Variants in AFDN observed in about 807,000 individuals in gnomAD.
AFDN encodes the protein afadin, adherens junction formation factor, also known as afadin.
AFDN carries 68 observed loss-of-function variants against 216.6 expected under a neutral mutation model. The ratio of observed to expected loss-of-function variants is 0.31; its 90% confidence interval spans 0.26 to 0.38. The LOEUF (loss-of-function observed/expected upper bound fraction) is 0.38. AFDN is among the 10% of genes least tolerant of loss of function. The pLI, the probability that AFDN is intolerant of heterozygous loss-of-function variation, is 1.00. For missense variants in AFDN, 2,136 were observed against 2,342.0 expected (o/e 0.91, Z 1.82); for synonymous variants, 868 against 853.7 (o/e 1.02, Z -0.29).
At chr6:167,949,908 A>T (rs1795765369) in intron 29 of AFDN, among the ~76,000 whole-genome samples, 1 of 152,136 alleles carries the variant, frequency 6.6e-6, no homozygotes, top group South Asian at 2.1e-4. Flanking sequence ...GGCAGGCCAG[A>T]GTGTGGAATG....
At chr6:167,943,871 T>A in intron 25 of AFDN, 70 bp from the exon 26 acceptor site, 1 of 1,270,082 alleles carries the variant, frequency 7.9e-7, no homozygotes, top group Non-Finnish European at 1.1e-6. Context: ...ATTGCTATAA[T>A]CACAGCGATT....
intron 31 of AFDN, chr6:167,964,828 T>C: frequency 9.4e-7 from 1 of 1,066,262 alleles, no homozygotes; most frequent in South Asian, 4.6e-5. Flanking sequence ...CGAGGCAGTT[T>C]ATTCTGTTTG....
intron 5 of AFDN, among the ~76,000 whole-genome samples, chr6:167,877,993 G>A (rs1374500995): frequency 6.6e-6 from 1 of 151,870 alleles, no homozygotes; most frequent in Non-Finnish European, 1.5e-5. Context: ...GCTTCAAAAT[G>A]TAATTGACCC....
intron 12 of AFDN, among the ~76,000 whole-genome samples, chr6:167,906,256 A>G (rs913780133): frequency 6.6e-6 from 1 of 152,226 alleles, no homozygotes; most frequent in African/African-American, 2.4e-5. Flanking sequence ...ATAGACAACA[A>G]AATGTTATAC....
At chr6:167,920,701 C>T (rs1179588674) in intron 21 of AFDN, among the ~76,000 whole-genome samples, 2 of 152,206 alleles carry the variant, frequency 1.3e-5, no homozygotes, top group South Asian at 2.1e-4. Context: ...CTTACTTCTT[C>T]ACCTTGAAAT....
chr6:167,855,380 A>G (rs987357465), intron 1 of AFDN, among the ~76,000 whole-genome samples: 1 of 152,150 alleles, frequency 6.6e-6, no homozygotes, highest in Non-Finnish European at 1.5e-5. Context: ...TAAAAATTAT[A>G]TATCAGAAGA....
chr6:167,894,013 T>C (rs1413346540), intron 9 of AFDN, 107 bp downstream of exon 9: 2 of 833,784 alleles, frequency 2.4e-6, no homozygotes, highest in Non-Finnish European at 3.9e-6. Context: ...TTTTAGTTGA[T>C]ATAAATAACC....
intron 4 of AFDN, among the ~76,000 whole-genome samples, chr6:167,874,610 ATTTTTTTTT>A (rs34069250): frequency 1.8e-5 from 2 of 113,264 alleles, no homozygotes; most frequent in Admixed American, 9.3e-5. Context: ...ATTTGCTATA[ATTTTTTTTT>A]TTTTTTTTTT....
intron 10 of AFDN, among the ~76,000 whole-genome samples, chr6:167,897,642 C>CT (rs57383020): frequency 0.041 from 3,624 of 89,408 alleles, 465 homozygotes; most frequent in African/African-American, 0.13. Context: ...GACTGTATGC[C>CT]TTTTTTTTTT....
chr6:167,959,107 C>T (rs1385147548), intron 30 of AFDN, among the ~76,000 whole-genome samples: 5 of 152,234 alleles, frequency 3.3e-5, no homozygotes, highest in Non-Finnish European at 5.9e-5. Flanking sequence ...CTGTTGTAGG[C>T]CTCTTTGAGC....
At position 167,915,342 on chromosome 6, in the gene AFDN, T is replaced by C; in HGVS notation, c.2474T>C (p.Ile825Thr). ...CTGTGCTCCCATTACTGGGGTGCGA[T>C]TATCCGTCAGCAGTTGGGCCATATT... ...SGLCSHYWGA[I>T]IRQQLGHIEA... is the part of the protein sequence containing the mutation. The change falls in exon 19 of 34, where the codon ATT becomes ACT. Residue 825 changes from isoleucine to threonine, a missense_variant. This residue lies in a region of AFDN where 817 missense variants were observed against 965.7 expected (regional missense o/e 0.85). Coordinates refer to ENST00000683244, the MANE Select transcript of AFDN (RefSeq NM_001386888.1). 1.2e-6 allele frequency: 2 copies of C among 1,614,224 alleles called. No homozygotes were observed. Among genetic ancestry groups the C allele is most frequent in the Middle Eastern group, 3.3e-4 (2 of 6,062 alleles).
intron 29 of AFDN, among the ~76,000 whole-genome samples, chr6:167,950,792 G>A (rs987859406): frequency 6.6e-6 from 1 of 151,998 alleles, no homozygotes; most frequent in African/African-American, 2.4e-5. Flanking sequence ...TGAGGAGGAT[G>A]AGGATGGGCA....
intron 2 of AFDN, among the ~76,000 whole-genome samples, chr6:167,865,343 G>T (rs1487209229): frequency 6.6e-6 from 1 of 152,086 alleles, no homozygotes; most frequent in Admixed American, 6.5e-5. Flanking sequence ...AAGAAATGTG[G>T]AAATTTAGGT....
Position 167,864,577 on chromosome 6 carries a change from A to G in AFDN, c.132A>G (p.Arg44=). The G allele has an allele frequency of 2.5e-6, 4 of 1,613,898 alleles. No homozygotes were observed. The highest frequency in any genetic ancestry group is 3.4e-6 in the Non-Finnish European group (4 of 1,179,954). ...ATTTGGAGTTCCATGGAGTGATGAG[A>G]TTTTATTTTCAAGATAAAGCTGCTG... The part of the protein sequence containing the change: ...TEDLEFHGVM[R]FYFQDKAAGN... Residue 44 remains arginine, a synonymous_variant, in exon 2 of 34, where the codon AGA becomes AGG. Transcript: ENST00000683244.
chr6:167,930,527 G>T (rs1315189404), intron 23 of AFDN, among the ~76,000 whole-genome samples: 1 of 152,238 alleles, frequency 6.6e-6, no homozygotes, highest in Non-Finnish European at 1.5e-5. Context: ...AAGGATGGCA[G>T]CGGGCCCTGT....
At position 167,965,816 on chromosome 6, in the gene AFDN, C is replaced by G; in HGVS notation, c.5028C>G (p.Asp1676Glu). 1 of 1,561,588 alleles carries G rather than the reference C, an allele frequency of 6.4e-7. No homozygotes were observed. Among genetic ancestry groups the G allele is most frequent in the Non-Finnish European group, 8.7e-7 (1 of 1,153,544 alleles). ...RLEAERRRQH[D>E]EAARRLLEPE... The stretch of plus-strand genomic sequence containing the variant: ...AAGCCGAGAGGCGCAGACAGCACGA[C>G]GAGGCGGCGCGCAGGTTGCTGGAGC... Residue 1676 changes from aspartate to glutamate, a missense_variant, in exon 32 of 34, where the codon GAC becomes GAG. Physicochemically the swap from Asp to Glu is conservative, Grantham distance 45 (BLOSUM62 2). Transcript: ENST00000683244.
chr6:167,922,994 A>T (rs1792022820), intron 22 of AFDN, 35 bp downstream of exon 22: 5 of 1,403,462 alleles, frequency 3.6e-6, no homozygotes, highest in Non-Finnish European at 4.0e-6. Context: ...AGTGAAATGG[A>T]TCCTTAGGAC....
At chr6:167,865,011 T>TA in intron 2 of AFDN, 2 of 551,814 alleles carry the variant, frequency 3.6e-6, no homozygotes, top group Non-Finnish European at 3.4e-6. Flanking sequence ...TAAGTAACGT[T>TA]ACATTTATCC....
chr6:167,935,650 T>TA (rs1793903570), intron 23 of AFDN, among the ~76,000 whole-genome samples: 1 of 152,242 alleles, frequency 6.6e-6, no homozygotes, highest in Non-Finnish European at 1.5e-5. Context: ...ATAAATGGAC[T>TA]AAAATGCAAT....
Sources: gnomAD v4.1 joint callset for allele counts (sites outside exome capture counted in the v4.1 genomes callset) on GRCh38, gnomAD v4.1.1 for gene constraint, gnomAD v4.1.1 regional missense constraint, MANE v1.5 for transcripts, NCBI Gene and HGNC (gene_info 2026-07-23, HGNC 2026-07-21) for gene names.